KCNIP4: variants seen among roughly 807,000 people sequenced by gnomAD.
KCNIP4 encodes Kv channel-interacting protein 4.
KCNIP4 carries 12 observed loss-of-function variants against 34.0 expected under a neutral mutation model. The ratio of observed to expected loss-of-function variants is 0.35; its 90% CI spans 0.23 to 0.57. The LOEUF is 0.57. Among genes scored for constraint, KCNIP4 ranks in the 20% least tolerant of loss-of-function variants. The pLI, the probability that KCNIP4 is intolerant of heterozygous loss-of-function variation, is 0.83. For missense variants in KCNIP4, 238 were observed against 311.7 expected, an observed-to-expected ratio of 0.76 and a Z score of 1.78; for synonymous variants, 124 against 102.2, an observed-to-expected ratio of 1.21 and a Z score of -1.29.
intron 1 of KCNIP4, among the ~76,000 whole-genome samples, chr4:21,413,857 A>C (rs1724719063): frequency 6.6e-6 from 1 of 152,178 alleles, no homozygotes; most frequent in African/African-American, 2.4e-5. Context: ...AGTTCAACCT[A>C]TTTATCACAG....
At chr4:21,238,006 C>A (rs922861026) in intron 1 of KCNIP4, among the ~76,000 whole-genome samples, 5 of 152,082 alleles carry the variant, frequency 3.3e-5, no homozygotes, top group African/African-American at 7.2e-5. Flanking sequence ...CCGAATCCAG[C>A]AGCACATCAA....
intron 5 of KCNIP4, among the ~76,000 whole-genome samples, chr4:20,739,330 T>TA (rs1041284083): frequency 6.6e-6 from 1 of 152,162 alleles, no homozygotes; most frequent in African/African-American, 2.4e-5. Context: ...AAACACCTCC[T>TA]AGTAGGGGCA....
chr4:21,397,227 T>A (rs1723082238), intron 1 of KCNIP4, among the ~76,000 whole-genome samples: 1 of 152,200 alleles, frequency 6.6e-6, no homozygotes, highest in East Asian at 1.9e-4. Flanking sequence ...TATATCCAAA[T>A]AGCAAGGTGA....
intron 2 of KCNIP4, among the ~76,000 whole-genome samples, chr4:20,878,432 C>A (rs1724301965): frequency 6.6e-6 from 1 of 152,280 alleles, no homozygotes; most frequent in Admixed American, 6.5e-5. Flanking sequence ...GTCAATGAGG[C>A]TTTCTCTGAG....
intron 1 of KCNIP4, among the ~76,000 whole-genome samples, chr4:20,963,463 T>C (rs1734051050): frequency 6.6e-6 from 1 of 152,160 alleles, no homozygotes; most frequent in African/African-American, 2.4e-5. Context: ...CAGGGAGTCA[T>C]GTAACTCTGC....
intron 1 of KCNIP4, among the ~76,000 whole-genome samples, chr4:21,513,694 A>G (rs7672430): frequency 0.18 from 26,841 of 152,216 alleles, 2,762 homozygotes; most frequent in Middle Eastern, 0.27. Flanking sequence ...TAAATGCTCA[A>G]TACATTTTTT....
intron 1 of KCNIP4, among the ~76,000 whole-genome samples, chr4:21,612,534 A>G (rs988839458): frequency 2.6e-5 from 4 of 152,218 alleles, no homozygotes; most frequent in African/African-American, 9.6e-5. Context: ...AGTTGTCTGG[A>G]GTGGATACTT....
intron 1 of KCNIP4, among the ~76,000 whole-genome samples, chr4:20,961,893 T>G (rs1210436054): frequency 6.6e-6 from 1 of 152,208 alleles, no homozygotes; most frequent in East Asian, 1.9e-4. Context: ...ACAATGCTCA[T>G]GTGCATTAAC....
chr4:21,289,814 C>A (rs1763329820), intron 1 of KCNIP4, among the ~76,000 whole-genome samples: 3 of 152,156 alleles, frequency 2.0e-5, no homozygotes, highest in Admixed American at 2.0e-4. Context: ...AAAATGGAAA[C>A]TCAGAAATGA....
At chr4:21,019,544 A>G (rs1307975448) in intron 1 of KCNIP4, among the ~76,000 whole-genome samples, 1 of 152,170 alleles carries the variant, frequency 6.6e-6, no homozygotes, top group African/African-American at 2.4e-5. Flanking sequence ...TGAGGACTTC[A>G]ACATTTGACT....
chr4:21,111,393 T>C (rs970052560), intron 1 of KCNIP4, among the ~76,000 whole-genome samples: 2 of 152,100 alleles, frequency 1.3e-5, no homozygotes, highest in Non-Finnish European at 2.9e-5. Flanking sequence ...AATTCAAAAG[T>C]AGGAAGTAAG....
intron 3 of KCNIP4, among the ~76,000 whole-genome samples, chr4:20,772,413 C>T (rs1360487038): frequency 6.6e-6 from 1 of 152,106 alleles, no homozygotes; most frequent in Non-Finnish European, 1.5e-5. Context: ...AGTCAGTATT[C>T]AAATACTGAC....
intron 1 of KCNIP4, chr4:21,853,173 C>T (rs977454366): frequency 6.6e-6 from 1 of 152,126 alleles, no homozygotes; most frequent in African/African-American, 2.4e-5. Context: ...TGTTCAGCTT[C>T]CTGCCAGACT....
intron 1 of KCNIP4, among the ~76,000 whole-genome samples, chr4:20,971,418 T>A (rs1734937875): frequency 6.6e-6 from 1 of 152,070 alleles, no homozygotes; most frequent in Admixed American, 6.5e-5. Flanking sequence ...ACCTCAAAGA[T>A]CATGTGGGTT....
At chr4:21,679,837 T>C (rs1750203327) in intron 1 of KCNIP4, among the ~76,000 whole-genome samples, 1 of 152,210 alleles carries the variant, frequency 6.6e-6, no homozygotes, top group Admixed American at 6.5e-5. Flanking sequence ...GTCTAAAAAA[T>C]GGACATACCT....
chr4:21,646,239 C>T (rs10014328), intron 1 of KCNIP4, among the ~76,000 whole-genome samples: 46,746 of 151,984 alleles, frequency 0.31, 9,002 homozygotes, highest in East Asian at 0.91. Context: ...AATATTGCTC[C>T]CAGTGAACTG....
chr4:21,236,680 ATATT>A (rs1759380589), intron 1 of KCNIP4, among the ~76,000 whole-genome samples: 1 of 152,036 alleles, frequency 6.6e-6, no homozygotes, highest in South Asian at 2.1e-4. Flanking sequence ...TAGTGAACAG[ATATT>A]TAATAAATGG....
At chr4:21,912,288 A>G (rs564713601) in intron 1 of KCNIP4, among the ~76,000 whole-genome samples, 1 of 152,294 alleles carries the variant, frequency 6.6e-6, no homozygotes, top group Admixed American at 6.5e-5. Flanking sequence ...AGGAAAATGG[A>G]GAATCTGACT....
At chr4:21,065,173 CT>C (rs1744239814) in intron 1 of KCNIP4, among the ~76,000 whole-genome samples, 1 of 152,108 alleles carries the variant, frequency 6.6e-6, no homozygotes, top group Admixed American at 6.5e-5. Context: ...TCTTGGTTGA[CT>C]TTCTAGGGGT....
Sources: gnomAD v4.1 joint callset for allele counts (sites outside exome capture counted in the v4.1 genomes callset) on GRCh38, gnomAD v4.1.1 for gene constraint, MANE v1.5 for transcripts, NCBI Gene and HGNC (gene_info 2026-07-23, HGNC 2026-07-21) for gene names.